Variants in ATG5 observed in about 807,000 individuals in gnomAD.
ATG5 encodes the protein autophagy protein 5.
Under a neutral mutation model 36.5 loss-of-function variants are expected in ATG5, and 14 were observed. That is an observed-to-expected ratio of 0.38 (90% CI 0.25 to 0.60). ATG5 has a LOEUF of 0.60. ATG5 is among the 20% of genes least tolerant of loss of function. The pLI, the probability that ATG5 is intolerant of heterozygous loss-of-function variation, is 0.60. For synonymous variants in ATG5, 95 were observed against 101.5 expected, an observed-to-expected ratio of 0.94 and a Z score of 0.38; for missense variants, 195 against 326.7, an observed-to-expected ratio of 0.60 and a Z score of 3.11.
intron 6 of ATG5, among the ~76,000 whole-genome samples, chr6:106,215,084 T>G (rs550441490): frequency 6.6e-6 from 1 of 152,338 alleles, no homozygotes; most frequent in East Asian, 1.9e-4. Flanking sequence ...ATTAATAAAC[T>G]ATTTTCCTCT....
At chr6:106,211,398 G>C (rs1776846040) in intron 6 of ATG5, among the ~76,000 whole-genome samples, 1 of 152,156 alleles carries the variant, frequency 6.6e-6, no homozygotes, top group Non-Finnish European at 1.5e-5. Flanking sequence ...AATGACAAGG[G>C]GCTCAAGTTT....
At position 106,189,414 on chromosome 6, in the gene ATG5, G is replaced by A. The variant is rs530958895; in HGVS notation, c.692-2738C>T. Reference sequence around the variant, plus strand: ...GAGCCCAGGAATTTGAGACCAGCCTGGGCAACAGACCCCATCTCTACAAAA... The same window carrying A: ...GAGCCCAGGAATTTGAGACCAGCCTAGGCAACAGACCCCATCTCTACAAAA... On this transcript the variant is annotated intron_variant, in intron 7 of 7. Transcript: ENST00000369076. 2.0e-5 allele frequency among the ~76,000 whole-genome samples: 3 copies of A among 152,020 alleles called. No homozygotes were observed. In the East Asian group the frequency reaches 5.8e-4, roughly 29 times the overall value.
intron 6 of ATG5, among the ~76,000 whole-genome samples, chr6:106,235,269 T>C (rs1257769821): frequency 1.3e-5 from 2 of 152,206 alleles, no homozygotes; most frequent in Non-Finnish European, 2.9e-5. Flanking sequence ...GTTCTTCAAA[T>C]GGAACCCCAG....
At chr6:106,231,614 T>C (rs1209264369) in intron 6 of ATG5, among the ~76,000 whole-genome samples, 2 of 152,190 alleles carry the variant, frequency 1.3e-5, no homozygotes, top group Non-Finnish European at 2.9e-5. Flanking sequence ...CTGGAGTGAC[T>C]AACGGAGGCA....
At chr6:106,256,840 G>A (rs1418416081) in intron 5 of ATG5, among the ~76,000 whole-genome samples, 1 of 152,140 alleles carries the variant, frequency 6.6e-6, no homozygotes, top group Non-Finnish European at 1.5e-5. Context: ...ATACTCTACT[G>A]TAGACTTTGT....
rs550593679 is a variant in ATG5 at position 106,203,692 on chromosome 6, C to T, written c.574-1603G>A. 2.0e-5 allele frequency among the ~76,000 whole-genome samples: 3 copies of T among 152,282 alleles called. No homozygotes were observed. In the East Asian group the frequency reaches 5.8e-4, roughly 29 times the overall value. ...GTGCAACCCCCAAGTTGCAATCCTC[C>T]ACCTAAGCCTCCAGAGTAGCTGGGA... On this transcript the variant is annotated intron_variant, in intron 6 of 7. Coordinates refer to ENST00000369076, the MANE Select transcript of ATG5 (RefSeq NM_004849.4).
At chr6:106,299,449 T>C (rs1770115302) in intron 3 of ATG5, among the ~76,000 whole-genome samples, 1 of 152,176 alleles carries the variant, frequency 6.6e-6, no homozygotes. Context: ...CACCAACTCT[T>C]ATCCAGAACT....
chr6:106,301,334 T>C (rs1213447386), intron 3 of ATG5, among the ~76,000 whole-genome samples: 1 of 152,064 alleles, frequency 6.6e-6, no homozygotes, highest in Non-Finnish European at 1.5e-5. Flanking sequence ...ATACCACTGT[T>C]CTTAAATTTT....
intron 6 of ATG5, among the ~76,000 whole-genome samples, chr6:106,208,223 T>A (rs550177929): frequency 6.6e-6 from 1 of 151,596 alleles, no homozygotes; most frequent in African/African-American, 2.4e-5. Flanking sequence ...TATATATACA[T>A]CTGTGTAAAC....
intron 1 of ATG5, among the ~76,000 whole-genome samples, chr6:106,322,563 A>G (rs1771128146): frequency 6.6e-6 from 1 of 152,020 alleles, no homozygotes; most frequent in Non-Finnish European, 1.5e-5. Context: ...CCTCTCTCTC[A>G]GCTAATGACC....
chr6:106,296,674 T>C (rs1438207464), intron 3 of ATG5, among the ~76,000 whole-genome samples: 1 of 152,068 alleles, frequency 6.6e-6, no homozygotes, highest in African/African-American at 2.4e-5. Flanking sequence ...AAAAATTAGC[T>C]GGGCGTGGTC....
intron 6 of ATG5, among the ~76,000 whole-genome samples, chr6:106,219,017 A>C (rs1777145270): frequency 6.6e-6 from 1 of 152,072 alleles, no homozygotes; most frequent in Non-Finnish European, 1.5e-5. Flanking sequence ...AAAAGGAAGA[A>C]GGAAAGAAAA....
chr6:106,306,091 T>C (rs1029412259), intron 3 of ATG5, among the ~76,000 whole-genome samples: 1 of 152,154 alleles, frequency 6.6e-6, no homozygotes, highest in South Asian at 2.1e-4. Flanking sequence ...ATAAAGATAC[T>C]TGAATATAAT....
intron 6 of ATG5, among the ~76,000 whole-genome samples, chr6:106,236,717 A>G (rs1222284745): frequency 4.6e-5 from 7 of 152,238 alleles, no homozygotes; most frequent in African/African-American, 1.7e-4. Flanking sequence ...TCAAGTGAAT[A>G]AACTACAGTC....
intron 7 of ATG5, among the ~76,000 whole-genome samples, chr6:106,200,878 C>T (rs1347848779): frequency 1.4e-5 from 2 of 146,308 alleles, no homozygotes; most frequent in East Asian, 2.1e-4. Flanking sequence ...AGCAGCAGGA[C>T]ATTTTACACA....
At chr6:106,257,054 A>G (rs1778829457) in intron 5 of ATG5, among the ~76,000 whole-genome samples, 1 of 152,196 alleles carries the variant, frequency 6.6e-6, no homozygotes, top group Non-Finnish European at 1.5e-5. Context: ...TTAACTTAAG[A>G]CTTTTTGTTA....
intron 6 of ATG5, among the ~76,000 whole-genome samples, chr6:106,246,392 T>TCACACACACA (rs72252671): frequency 2.1e-4 from 27 of 129,570 alleles, no homozygotes; most frequent in African/African-American, 7.6e-4. Context: ...TCTCTCTCTC[T>TCACACACACA]CACACACACA....
chr6:106,304,703 G>A (rs1293782433), intron 3 of ATG5, among the ~76,000 whole-genome samples: 1 of 152,146 alleles, frequency 6.6e-6, no homozygotes, highest in Non-Finnish European at 1.5e-5. Context: ...GAGTACCAGG[G>A]AATTTTGTGA....
chr6:106,244,284 CTGAA>C (rs1321744493), intron 6 of ATG5, among the ~76,000 whole-genome samples: 1 of 152,024 alleles, frequency 6.6e-6, no homozygotes, highest in African/African-American at 2.4e-5. Context: ...AAGTAGATGA[CTGAA>C]TGATCTTTGT....
Sources: gnomAD v4.1 joint callset for allele counts (sites outside exome capture counted in the v4.1 genomes callset) on GRCh38, gnomAD v4.1.1 for gene constraint, MANE v1.5 for transcripts, NCBI Gene and HGNC (gene_info 2026-07-23, HGNC 2026-07-21) for gene names.